The following CACHD1 variants were observed in gnomAD, a reference collection of about 807,000 sequenced individuals.
The protein encoded by CACHD1 is VWFA and cache domain-containing protein 1.
Under a neutral mutation model 138.7 loss-of-function variants are expected in CACHD1, and 71 were observed. That is an observed-to-expected ratio of 0.51 (90% confidence interval 0.42 to 0.62). CACHD1 has a LOEUF of 0.62. Ranked by LOEUF, CACHD1 falls within the 20% of genes least tolerant of loss-of-function variation. The pLI is 0.00. For missense variants in CACHD1, 1,389 were observed against 1,625.3 expected, an observed-to-expected ratio of 0.85 and a Z score of 2.50; for synonymous variants, 578 against 591.5, an observed-to-expected ratio of 0.98 and a Z score of 0.33.
intron 1 of CACHD1, among the ~76,000 whole-genome samples, chr1:64,535,261 C>T (rs1646622292): frequency 6.6e-6 from 1 of 151,562 alleles, no homozygotes; most frequent in South Asian, 2.1e-4. Context: ...CTTTCTCCAC[C>T]TCTTTGTTAA....
At chr1:64,632,800 A>G in intron 6 of CACHD1, 57 bp downstream of exon 6, 1 of 1,586,508 alleles carries the variant, frequency 6.3e-7, no homozygotes. Context: ...TGCCTTTTTT[A>G]AAGTACTTTA....
chr1:64,560,447 T>A (rs557349345), intron 2 of CACHD1, among the ~76,000 whole-genome samples: 2 of 152,230 alleles, frequency 1.3e-5, no homozygotes, highest in South Asian at 4.1e-4. Flanking sequence ...CTCTTGTGAT[T>A]TTTAAATTTT....
In CACHD1 at chr1:64,470,336, C is replaced by A. The variant is rs1646134859; in HGVS notation, c.-409C>A. ...AGTCCTCGCCGCCGCCTGCTCGCTG[C>A]GCTGGGACTCGCAGGAAGCGAGAGC... On this transcript the variant is annotated 5_prime_UTR_variant, in exon 1 of 27. Transcript: ENST00000651257. This position sits in a 1 kb window ranked among gnomAD's most constrained non-coding sequence, Gnocchi z 5.2. Among the ~76,000 whole-genome samples, 3 of 151,934 alleles carry A rather than the reference C, an allele frequency of 2.0e-5. No homozygotes were observed. The highest frequency in any genetic ancestry group is 2.0e-4 in the Admixed American group (3 of 15,264).
intron 1 of CACHD1, 65 bp from the exon 2 acceptor site, chr1:64,550,529 C>A: frequency 8.9e-7 from 1 of 1,126,284 alleles, no homozygotes; most frequent in South Asian, 1.3e-5. Context: ...AAATTATTCA[C>A]ATACACACTC....
intron 1 of CACHD1, among the ~76,000 whole-genome samples, chr1:64,472,938 C>T (rs2100252789): frequency 6.6e-6 from 1 of 152,204 alleles, no homozygotes; most frequent in African/African-American, 2.4e-5. Context: ...GTTTCTCACC[C>T]AGTCCTTGAC....
intron 2 of CACHD1, among the ~76,000 whole-genome samples, chr1:64,573,585 C>T (rs1018486404): frequency 6.6e-6 from 1 of 152,108 alleles, no homozygotes; most frequent in African/African-American, 2.4e-5. Context: ...GAGTAATAGT[C>T]ATAGGTTATC....
intron 1 of CACHD1, among the ~76,000 whole-genome samples, chr1:64,479,663 A>G (rs570058108): frequency 6.6e-6 from 1 of 152,308 alleles, no homozygotes; most frequent in South Asian, 2.1e-4. Flanking sequence ...CAAGAAAGGA[A>G]GCTACCACCC....
chr1:64,529,496 C>T (rs1230998283), intron 1 of CACHD1, among the ~76,000 whole-genome samples: 1 of 152,212 alleles, frequency 6.6e-6, no homozygotes, highest in Non-Finnish European at 1.5e-5. Flanking sequence ...CTACTAGAAT[C>T]ATCATCTTCT....
At chr1:64,681,672 T>TA (rs1557555938) in intron 25 of CACHD1, among the ~76,000 whole-genome samples, 1 of 151,850 alleles carries the variant, frequency 6.6e-6, no homozygotes, top group Non-Finnish European at 1.5e-5. Flanking sequence ...ATGCATTTTT[T>TA]AAAAAATCCC....
At chr1:64,516,191 A>G (rs956501622) in intron 1 of CACHD1, among the ~76,000 whole-genome samples, 6 of 152,228 alleles carry the variant, frequency 3.9e-5, no homozygotes, top group South Asian at 2.1e-4. Context: ...CTAATTCTAA[A>G]TATACCTGTC....
At chr1:64,613,022 A>G (rs1647586831) in intron 4 of CACHD1, among the ~76,000 whole-genome samples, 2 of 152,218 alleles carry the variant, frequency 1.3e-5, no homozygotes, top group Non-Finnish European at 2.9e-5. Context: ...ATCAACATTA[A>G]TAGGAGTTTG....
At chr1:64,512,699 A>G (rs1646431057) in intron 1 of CACHD1, among the ~76,000 whole-genome samples, 1 of 152,162 alleles carries the variant, frequency 6.6e-6, no homozygotes, top group African/African-American at 2.4e-5. Context: ...TATTTCAGTC[A>G]TTTGTATTCT....
chr1:64,650,253 G>A (rs879792959), intron 9 of CACHD1, among the ~76,000 whole-genome samples: 5 of 152,064 alleles, frequency 3.3e-5, no homozygotes, highest in African/African-American at 4.8e-5. Context: ...AATTTGAAGC[G>A]AGCAGGCATC....
intron 23 of CACHD1, among the ~76,000 whole-genome samples, 161 bp from the exon 24 acceptor site, chr1:64,679,434 G>A (rs1047904087): frequency 6.6e-6 from 1 of 152,170 alleles, no homozygotes; most frequent in Non-Finnish European, 1.5e-5. Context: ...CCGCTCCCAC[G>A]TTCCCATGCG....
intron 1 of CACHD1, among the ~76,000 whole-genome samples, chr1:64,535,035 A>G (rs1364102849): frequency 6.6e-6 from 1 of 152,226 alleles, no homozygotes; most frequent in Non-Finnish European, 1.5e-5. Flanking sequence ...AGGTTGGTTA[A>G]GGCAGAGACA....
chr1:64,680,207 G>A (rs1216280327), intron 24 of CACHD1, among the ~76,000 whole-genome samples: 1 of 152,120 alleles, frequency 6.6e-6, no homozygotes, highest in Non-Finnish European at 1.5e-5. Context: ...AGGATAAGTC[G>A]GCCAATCGCG....
rs368982386 is a variant in CACHD1, at chr1:64,673,875, C to T, written c.2727+411C>T. On this transcript the variant is annotated intron_variant, in intron 19 of 26. Transcript: ENST00000651257. ...AGTTAGGTCAGTTCTTGATCATTTGCTCTATGAGATGGGAACTCTTATGTA... is the reference window on the plus strand; with the variant it reads ...AGTTAGGTCAGTTCTTGATCATTTGTTCTATGAGATGGGAACTCTTATGTA... Among the ~76,000 whole-genome samples the T allele has an allele frequency of 5.3e-5, 8 of 152,264 alleles. No homozygotes were observed. In the South Asian group the frequency reaches 1.7e-3, roughly 32 times the overall value.
intron 21 of CACHD1, 96 bp from the exon 22 acceptor site, chr1:64,676,799 A>C: frequency 1.1e-6 from 1 of 942,678 alleles, no homozygotes. Context: ...GCCAGGATTC[A>C]AACCCAAATC....
chr1:64,622,159 C>T (rs1647935671), intron 4 of CACHD1, among the ~76,000 whole-genome samples: 1 of 152,194 alleles, frequency 6.6e-6, no homozygotes, highest in African/African-American at 2.4e-5. Flanking sequence ...ACCTAAGGCT[C>T]ATGTCTCTAA....
Sources: gnomAD v4.1 joint callset for allele counts (sites outside exome capture counted in the v4.1 genomes callset) on GRCh38, gnomAD v4.1.1 for gene constraint, Gnocchi (gnomAD v3.1) non-coding constraint, MANE v1.5 for transcripts, NCBI Gene and HGNC (gene_info 2026-07-23, HGNC 2026-07-21) for gene names.